AGBL4: variants seen among roughly 807,000 people sequenced by gnomAD.
AGBL4 encodes cytosolic carboxypeptidase 6.
Under a neutral mutation model 66.4 loss-of-function variants are expected in AGBL4, and 58 were observed. The observed-to-expected ratio is 0.87, with a 90% CI of 0.71 to 1.09. The LOEUF (loss-of-function observed/expected upper bound fraction) is 1.09, where lower values mean the gene tolerates loss of function less well. Among genes scored for constraint, AGBL4 ranks in the 50% least tolerant of loss-of-function variants. The pLI is 0.00. For synonymous variants in AGBL4, 234 were observed against 222.9 expected (o/e 1.05, Z -0.44); for missense variants, 579 against 631.0 (o/e 0.92, Z 0.88).
chr1:49,625,111 T>C (rs992867148), intron 3 of AGBL4, among the ~76,000 whole-genome samples: 1 of 152,154 alleles, frequency 6.6e-6, no homozygotes, highest in Admixed American at 6.5e-5. Context: ...CTAAATACAA[T>C]CTCTTTCCAC....
At chr1:48,920,795 C>G (rs1241322690) in intron 5 of AGBL4, among the ~76,000 whole-genome samples, 1 of 152,064 alleles carries the variant, frequency 6.6e-6, no homozygotes, top group Non-Finnish European at 1.5e-5. Flanking sequence ...GACACTCAGG[C>G]TGGATAGGGA....
At chr1:48,924,033 G>A (rs1654318860) in intron 5 of AGBL4, among the ~76,000 whole-genome samples, 1 of 152,034 alleles carries the variant, frequency 6.6e-6, no homozygotes, top group Non-Finnish European at 1.5e-5. Context: ...TGTCCCAAGA[G>A]ACTACCCAGA....
At chr1:49,561,264 A>G (rs1353449898) in intron 3 of AGBL4, among the ~76,000 whole-genome samples, 5 of 151,476 alleles carry the variant, frequency 3.3e-5, no homozygotes, top group African/African-American at 4.8e-5. Flanking sequence ...AAAATTGTAT[A>G]TTTTTTGCTT....
chr1:49,127,770 G>A (rs781519908), intron 4 of AGBL4, among the ~76,000 whole-genome samples: 28 of 152,044 alleles, frequency 1.8e-4, no homozygotes, highest in African/African-American at 4.8e-4. Context: ...CAAACTATCC[G>A]TAGAGTAAAA....
downstream of AGBL4, among the ~76,000 whole-genome samples, chr1:48,528,935 C>T (rs950567016): frequency 6.6e-6 from 1 of 152,002 alleles, no homozygotes; most frequent in African/African-American, 2.4e-5. Flanking sequence ...TTATTTCAGC[C>T]TCACATGAGG....
chr1:49,207,159 G>A (rs1046965576), intron 4 of AGBL4, among the ~76,000 whole-genome samples: 7 of 152,048 alleles, frequency 4.6e-5, no homozygotes, highest in Non-Finnish European at 1.0e-4. Flanking sequence ...GGGCAGGAGC[G>A]AACTATAATG....
intron 2 of AGBL4, among the ~76,000 whole-genome samples, chr1:49,770,271 A>T (rs1246997754): frequency 2.0e-5 from 3 of 152,194 alleles, no homozygotes; most frequent in African/African-American, 7.2e-5. Flanking sequence ...TTCTGAATCT[A>T]TTGAAATAAT....
chr1:49,362,469 AAAAAG>A (rs1257285456), intron 3 of AGBL4, among the ~76,000 whole-genome samples: 1 of 151,546 alleles, frequency 6.6e-6, no homozygotes, highest in Non-Finnish European at 1.5e-5. Context: ...AAAAAAAAAA[AAAAAG>A]AGAGAATCTA....
intron 4 of AGBL4, among the ~76,000 whole-genome samples, chr1:49,168,126 T>A (rs1646666742): frequency 6.6e-6 from 1 of 152,194 alleles, no homozygotes. Flanking sequence ...CCGAGGGGGC[T>A]CCTGGAACGA....
At chr1:49,037,568 A>T (rs993426090) in intron 5 of AGBL4, among the ~76,000 whole-genome samples, 1 of 152,034 alleles carries the variant, frequency 6.6e-6, no homozygotes, top group Non-Finnish European at 1.5e-5. Context: ...CTGTGCTTTT[A>T]TCACAAGGAG....
intron 9 of AGBL4, among the ~76,000 whole-genome samples, chr1:48,621,066 C>A (rs1052319470): frequency 6.6e-6 from 1 of 151,918 alleles, no homozygotes; most frequent in Non-Finnish European, 1.5e-5. Flanking sequence ...CTTAGCTGAC[C>A]GAGAGGGATC....
intron 1 of AGBL4, among the ~76,000 whole-genome samples, chr1:49,916,062 T>A (rs1651442297): frequency 6.6e-6 from 1 of 151,908 alleles, no homozygotes; most frequent in Admixed American, 6.6e-5. Context: ...AGAAAGGACA[T>A]CCACACCAAA....
chr1:49,888,014 T>C (rs1648248432), intron 1 of AGBL4, among the ~76,000 whole-genome samples: 1 of 152,164 alleles, frequency 6.6e-6, no homozygotes. Flanking sequence ...AAATAAGTGT[T>C]TGTTACATAA....
chr1:49,261,551 C>T (rs1653171184), intron 3 of AGBL4, among the ~76,000 whole-genome samples: 1 of 150,650 alleles, frequency 6.6e-6, no homozygotes, highest in African/African-American at 2.4e-5. Flanking sequence ...AGTGAACTCC[C>T]ATTCACAATT....
At chr1:49,598,530 G>T (rs948739915) in intron 3 of AGBL4, among the ~76,000 whole-genome samples, 1 of 152,204 alleles carries the variant, frequency 6.6e-6, no homozygotes, top group Non-Finnish European at 1.5e-5. Flanking sequence ...GAGAACAGCG[G>T]ATTTTCGTGA....
chr1:49,144,565 A>G (rs1646180925), intron 4 of AGBL4, among the ~76,000 whole-genome samples: 1 of 151,972 alleles, frequency 6.6e-6, no homozygotes, highest in African/African-American at 2.4e-5. Flanking sequence ...ACTCAAACAC[A>G]AATACACATC....
At chr1:49,590,549 T>C (rs1644732667) in intron 3 of AGBL4, among the ~76,000 whole-genome samples, 1 of 152,048 alleles carries the variant, frequency 6.6e-6, no homozygotes, top group Non-Finnish European at 1.5e-5. Context: ...AAAGTTATTC[T>C]CTACTTCTCT....
intron 5 of AGBL4, among the ~76,000 whole-genome samples, chr1:48,982,688 A>C (rs1322618997): frequency 6.6e-6 from 1 of 152,120 alleles, no homozygotes; most frequent in African/African-American, 2.4e-5. Flanking sequence ...TTATAGCAGC[A>C]CCATTTATAA....
At chr1:49,956,923 G>C (rs1413718592) in intron 1 of AGBL4, among the ~76,000 whole-genome samples, 1 of 151,950 alleles carries the variant, frequency 6.6e-6, no homozygotes, top group Non-Finnish European at 1.5e-5. Flanking sequence ...CTAGATTGTG[G>C]AGAGCTTTGG....
Sources: allele counts gnomAD v4.1 joint callset (sites outside exome capture counted in the v4.1 genomes callset), GRCh38; gene constraint gnomAD v4.1.1; transcripts MANE v1.5; gene names NCBI Gene and HGNC (gene_info 2026-07-23, HGNC 2026-07-21).